Variants in TRPM4 observed in about 807,000 individuals in gnomAD.
The protein encoded by TRPM4 is calcium-activated non-selective cation channel 1.
TRPM4 carries 124 observed loss-of-function variants against 135.6 expected under a neutral mutation model. That is an observed-to-expected ratio of 0.91 (90% CI 0.79 to 1.06). The LOEUF is 1.06. Ranked by LOEUF, TRPM4 falls within the 50% of genes least tolerant of loss-of-function variation. The probability of loss-of-function intolerance (pLI) is 0.00; values close to 1 mark genes in which losing one functional copy is unlikely to be tolerated. For synonymous variants in TRPM4, 745 were observed against 705.6 expected, an observed-to-expected ratio of 1.06 and a Z score of -0.88; for missense variants, 1,658 against 1,671.4, an observed-to-expected ratio of 0.99 and a Z score of 0.14.
At chr19:49,200,558 G>T in intron 18 of TRPM4, 53 bp from the exon 19 acceptor site, 1 of 1,605,124 alleles carries the variant, frequency 6.2e-7, no homozygotes, top group South Asian at 1.1e-5. Context: ...GGATATAGGG[G>T]TGGGGCCAGA....
chr19:49,205,117 G>A lies in TRPM4; in HGVS notation c.3131+2976G>A, dbSNP rs76320904. On this transcript the variant is annotated intron_variant, in intron 20 of 24. Transcript: ENST00000252826. ...GATTATAGGCACAAGCCCCTGTGCT[G>A]GACCTATTGTATTAGTTTCCTAGGG... 2.1e-3 allele frequency among the ~76,000 whole-genome samples: 312 copies of A among 151,308 alleles called. 1 individual carries two copies. The highest frequency in any genetic ancestry group is 7.4e-3 in the African/African-American group (303 of 41,186).
Position 49,196,735 on chromosome 19 carries a change from GGCGGGGGCAGCCTCGCCA to G in TRPM4, c.2515_2532del (p.Ser839_Gly844del), listed in dbSNP as rs777788926. 8 of 1,550,752 alleles carry G rather than the reference GGCGGGGGCAGCCTCGCCA, an allele frequency of 5.2e-6. No homozygotes were observed. The highest frequency in any genetic ancestry group is 6.9e-6 in the Non-Finnish European group (8 of 1,154,638). ...GGAACTGCGCCAGGGCCTGAGCGGA[GGCGGGGGCAGCCTCGCCA>G]GCGGGGGCCCCGGGCCTGGCCATGC... On this transcript the variant is annotated inframe_deletion, in exon 17 of 25. Transcript: ENST00000252826.
Position 49,200,796 on chromosome 19 carries a change from T to C in TRPM4, c.2953+11T>C. On this transcript the variant is annotated intron_variant, in intron 19 of 24. Coordinates refer to ENST00000252826, the MANE Select transcript of TRPM4 (RefSeq NM_017636.4). ...AGGAGGACATGGACGGTAGGGGGGATGACGGCCTGACAGCCTTCCTCTGAG... is the reference window on the plus strand; with the variant it reads ...AGGAGGACATGGACGGTAGGGGGGACGACGGCCTGACAGCCTTCCTCTGAG... 6.2e-7 allele frequency: 1 copy of C among 1,613,544 alleles called. No individual in the cohort carries two copies. The highest frequency in any genetic ancestry group is 8.5e-7 in the Non-Finnish European group (1 of 1,179,972).
At chr19:49,208,284 T>C (rs1240093894) in intron 20 of TRPM4, among the ~76,000 whole-genome samples, 1 of 138,512 alleles carries the variant, frequency 7.2e-6, no homozygotes, top group Non-Finnish European at 1.6e-5. Context: ...CTGACATCAG[T>C]CAGGCCCTCC....
rs545322928 is a variant in TRPM4 at position 49,187,871 on chromosome 19, T to C, written c.1744-770T>C. On this transcript the variant is annotated intron_variant, in intron 12 of 24. Coordinates refer to ENST00000252826, the MANE Select transcript of TRPM4 (RefSeq NM_017636.4). ...TTGGAAGTGAGGTTTTTCTTGCTGT[T>C]TTCTGTTCCTGGGTGGGATGGCAGA... Among the ~76,000 whole-genome samples, 10 of 152,196 alleles carry C rather than the reference T, an allele frequency of 6.6e-5. No individual in the cohort carries two copies. In the South Asian group the frequency reaches 2.1e-3, roughly 32 times the overall value.
Position 49,190,682 on chromosome 19 carries a change from TC to T in TRPM4, c.2133-8del. ...TTCCCCTCATTTCTTGCTCTGTGCT[TC>T]CCCCCTTGCTAGGAAATCAGAAGAG... On this transcript the variant is annotated splice_polypyrimidine_tract_variant and intron_variant, in intron 15 of 24. Transcript: ENST00000252826. 1 of 1,613,706 alleles carries T rather than the reference TC, an allele frequency of 6.2e-7. No individual in the cohort carries two copies. The highest frequency in any genetic ancestry group is 8.5e-7 in the Non-Finnish European group (1 of 1,179,772).
intron 2 of TRPM4, among the ~76,000 whole-genome samples, chr19:49,164,016 G>T (rs1423222704): frequency 2.0e-5 from 3 of 152,196 alleles, no homozygotes; most frequent in South Asian, 2.1e-4. Flanking sequence ...CCCATGTGTG[G>T]ATCAGTTAGC....
chr19:49,182,395 CCCAT>C (rs1300120512), intron 10 of TRPM4, 179 bp from the exon 11 acceptor site: 2 of 548,442 alleles, frequency 3.6e-6, no homozygotes, highest in African/African-American at 2.9e-5. Context: ...CATCCATCTG[CCCAT>C]CCATCCATCT....
At chr19:49,203,120 T>C (rs1969001730) in intron 20 of TRPM4, among the ~76,000 whole-genome samples, 1 of 151,252 alleles carries the variant, frequency 6.6e-6, no homozygotes, top group South Asian at 2.1e-4. Context: ...CTCAATCTCC[T>C]GACCTCGTGA....
At chr19:49,207,935 A>T (rs1456073436) in intron 20 of TRPM4, among the ~76,000 whole-genome samples, 1 of 151,982 alleles carries the variant, frequency 6.6e-6, no homozygotes, top group Non-Finnish European at 1.5e-5. Flanking sequence ...CTGCGCTGTT[A>T]TTTATTGGAT....
At chr19:49,160,080 G>A (rs1966905808) in intron 2 of TRPM4, among the ~76,000 whole-genome samples, 1 of 152,210 alleles carries the variant, frequency 6.6e-6, no homozygotes, top group Non-Finnish European at 1.5e-5. Context: ...GTGAGAGCTG[G>A]GAGGAGGTGT....
intron 17 of TRPM4, among the ~76,000 whole-genome samples, chr19:49,198,646 CAAAAAAA>C (rs35173042): frequency 1.4e-3 from 102 of 72,700 alleles, no homozygotes; most frequent in African/African-American, 2.0e-3. Context: ...AAAACTCTGT[CAAAAAAA>C]AAAAAAAAAA....
Position 49,190,201 on chromosome 19 carries a change from C to G in TRPM4, c.2020-7C>G. ...ATTTGGATCCTAATCCTTCCCACCC[C>G]CCACAGTCTCTGCTGACACAGAAGT... On this transcript the variant is annotated splice_region_variant and splice_polypyrimidine_tract_variant and intron_variant, in intron 14 of 24. Coordinates refer to ENST00000252826, the MANE Select transcript of TRPM4 (RefSeq NM_017636.4). 6.2e-7 allele frequency: 1 copy of G among 1,613,106 alleles called. No individual in the cohort carries two copies. The highest frequency in any genetic ancestry group is 8.5e-7 in the Non-Finnish European group (1 of 1,179,104).
Position 49,166,116 on chromosome 19 carries a change from C to G in TRPM4, c.168C>G (p.Ala56=). The G allele has an allele frequency of 6.2e-7, 1 of 1,603,654 alleles. No individual in the cohort carries two copies. The highest frequency in any genetic ancestry group is 8.5e-7 in the Non-Finnish European group (1 of 1,176,238). The stretch of plus-strand genomic sequence containing the variant: ...CCATGGAGGATGCCTTCGGGGCAGC[C>G]GTGGTGACCGTGTGGGACAGCGATG... ...AVAMEDAFGA[A]VVTVWDSDAH... Residue 56 remains alanine, a synonymous_variant, in exon 3 of 25, where the codon GCC becomes GCG. Transcript: ENST00000252826.
At chr19:49,206,981 A>G (rs1969176993) in intron 20 of TRPM4, among the ~76,000 whole-genome samples, 1 of 152,270 alleles carries the variant, frequency 6.6e-6, no homozygotes, top group East Asian at 1.9e-4. Flanking sequence ...TAGAAACACA[A>G]CTGATTTTTG....
chr19:49,162,304 C>T (rs953992030), intron 2 of TRPM4, among the ~76,000 whole-genome samples: 2 of 151,918 alleles, frequency 1.3e-5, no homozygotes, highest in Admixed American at 6.6e-5. Flanking sequence ...TTTGAGAGGC[C>T]GAGGTGGGCT....
chr19:49,161,635 C>CTTTTTT (rs10695245), intron 2 of TRPM4, among the ~76,000 whole-genome samples: 1 of 145,548 alleles, frequency 6.9e-6, no homozygotes, highest in Non-Finnish European at 1.5e-5. Context: ...CCGGCTACCT[C>CTTTTTT]TTTTTTTTTT....
chr19:49,210,535 A>G lies in TRPM4; in HGVS notation c.3328+130A>G, dbSNP rs1969316060. 16 of 1,414,604 alleles carry G rather than the reference A, an allele frequency of 1.1e-5. No homozygotes were observed. The South Asian group carries it at 1.8e-4, about 16-fold the overall frequency. The allele number at this position is 1,414,604 out of a possible 1,614,324, so 87.6% of individuals were successfully genotyped here. On this transcript the variant is annotated intron_variant, in intron 21 of 24. Transcript: ENST00000252826. The surrounding 1 kb of genome is among the most constrained non-coding windows in gnomAD (Gnocchi z 4.1). ...TAGCGAGGGGCGGGGTTTAAGCAAC[A>G]AGGGGCGGAGCTTAAGCACTGAGGG...
chr19:49,164,806 C>T (rs903736113), intron 2 of TRPM4, among the ~76,000 whole-genome samples: 1 of 151,896 alleles, frequency 6.6e-6, no homozygotes, highest in African/African-American at 2.4e-5. Context: ...TCACAGCTCT[C>T]TGCATCACTG....
Sources: gnomAD v4.1 joint callset for allele counts (sites outside exome capture counted in the v4.1 genomes callset) on GRCh38, gnomAD v4.1.1 for gene constraint, Gnocchi (gnomAD v3.1) non-coding constraint, MANE v1.5 for transcripts, NCBI Gene and HGNC (gene_info 2026-07-23, HGNC 2026-07-21) for gene names.